PARVB: variants seen among roughly 807,000 people sequenced by gnomAD.
PARVB encodes beta-parvin.
PARVB carries 46 observed loss-of-function variants against 47.0 expected under a neutral mutation model. That is an observed-to-expected ratio of 0.98 (90% CI 0.77 to 1.25). The LOEUF (loss-of-function observed/expected upper bound fraction) is 1.25. Ranked by LOEUF, PARVB falls within the 50% of genes most tolerant of loss-of-function variation. PARVB has a pLI of 0.00. For synonymous variants in PARVB, 196 were observed against 196.3 expected, an observed-to-expected ratio of 1.00 and a Z score of 0.01; for missense variants, 473 against 471.6, an observed-to-expected ratio of 1.00 and a Z score of -0.03.
chr22:44,009,142 G>A (rs910409930), intron 2 of PARVB, among the ~76,000 whole-genome samples: 1 of 152,116 alleles, frequency 6.6e-6, no homozygotes, highest in Non-Finnish European at 1.5e-5. Flanking sequence ...AGATAATTTA[G>A]CACACAGAAT....
chr22:44,062,640 A>C (rs8140425), intron 1 of PARVB, among the ~76,000 whole-genome samples: 46,855 of 147,404 alleles, frequency 0.32, 7,610 homozygotes, highest in East Asian at 0.72. Context: ...CCTGTCTGGA[A>C]AAAAAAAAAA....
At chr22:44,076,764 C>G (rs915185193) in intron 1 of PARVB, among the ~76,000 whole-genome samples, 37 of 152,062 alleles carry the variant, frequency 2.4e-4, no homozygotes, top group African/African-American at 8.2e-4. Flanking sequence ...GGGCCAGAAA[C>G]ATGCTGCTGT....
intron 1 of PARVB, among the ~76,000 whole-genome samples, chr22:44,073,832 C>G (rs894245907): frequency 3.3e-5 from 5 of 152,250 alleles, no homozygotes; most frequent in Admixed American, 3.3e-4. Context: ...CTGTGGTGGG[C>G]TCGGCAGCTG....
intron 1 of PARVB, among the ~76,000 whole-genome samples, chr22:44,070,134 G>A (rs550710592): frequency 2.4e-4 from 36 of 152,288 alleles, no homozygotes; most frequent in Admixed American, 9.2e-4. Context: ...GCTCCTTAAC[G>A]TGCTTTGCTC....
At chr22:44,046,158 T>C (rs2051108019) in intron 1 of PARVB, among the ~76,000 whole-genome samples, 1 of 152,226 alleles carries the variant, frequency 6.6e-6, no homozygotes, top group Non-Finnish European at 1.5e-5. Flanking sequence ...CTGGGTGGCT[T>C]ATGCTTTCGG....
chr22:44,159,571 G>A (rs1340929238), intron 11 of PARVB, among the ~76,000 whole-genome samples: 2 of 152,222 alleles, frequency 1.3e-5, no homozygotes, highest in African/African-American at 4.8e-5. Flanking sequence ...CTGGGGTGGC[G>A]GTGTGGCTCT....
At chr22:44,030,700 C>T (rs1048962228) in intron 1 of PARVB, among the ~76,000 whole-genome samples, 3 of 152,098 alleles carry the variant, frequency 2.0e-5, no homozygotes, top group African/African-American at 7.2e-5. Context: ...TTCTAGCGGG[C>T]TGCAGCCCCT....
At chr22:44,003,310 T>C (rs1472300995) in intron 2 of PARVB, among the ~76,000 whole-genome samples, 1 of 152,198 alleles carries the variant, frequency 6.6e-6, no homozygotes, top group Non-Finnish European at 1.5e-5. Flanking sequence ...CTAAACGTAA[T>C]TTCCCTGAAA....
At chr22:44,117,973 C>T (rs1309913413) in intron 3 of PARVB, among the ~76,000 whole-genome samples, 3 of 152,204 alleles carry the variant, frequency 2.0e-5, no homozygotes, top group African/African-American at 7.2e-5. Context: ...TCCATAGGTA[C>T]TTTCATAATG....
At chr22:44,116,818 G>T (rs976645002) in intron 3 of PARVB, among the ~76,000 whole-genome samples, 5 of 152,122 alleles carry the variant, frequency 3.3e-5, no homozygotes, top group South Asian at 2.1e-4. Flanking sequence ...GAGGGAGGGG[G>T]TGGTATCTGG....
chr22:44,059,876 C>T (rs761383026), intron 1 of PARVB, among the ~76,000 whole-genome samples: 26 of 152,158 alleles, frequency 1.7e-4, no homozygotes, highest in Non-Finnish European at 3.5e-4. Context: ...TGCTCAGCAT[C>T]ATGGAAGGGG....
intron 3 of PARVB, 80 bp downstream of exon 3, chr22:44,100,203 G>A (rs1332275350): frequency 6.1e-6 from 7 of 1,139,008 alleles, no homozygotes; most frequent in Admixed American, 1.7e-5. Flanking sequence ...CATGGACAAA[G>A]GGAGCTAAAC....
At chr22:44,033,275 C>G (rs753574385) in intron 1 of PARVB, among the ~76,000 whole-genome samples, 48 of 152,166 alleles carry the variant, frequency 3.2e-4, no homozygotes, top group Non-Finnish European at 4.4e-5. Context: ...CTCCTGACCT[C>G]AACTGATCCG....
At chr22:44,053,962 C>A (rs77256496) in intron 1 of PARVB, among the ~76,000 whole-genome samples, 1 of 152,118 alleles carries the variant, frequency 6.6e-6, no homozygotes, top group Non-Finnish European at 1.5e-5. Context: ...CTTCCTGGGC[C>A]TTTTATGGAG....
chr22:44,156,527 T>C (rs567543224), intron 10 of PARVB, among the ~76,000 whole-genome samples: 1 of 152,268 alleles, frequency 6.6e-6, no homozygotes, highest in East Asian at 1.9e-4. Flanking sequence ...TCCACCCACC[T>C]TGGCCACCCA....
chr22:44,037,217 C>T (rs1382746425), intron 1 of PARVB, among the ~76,000 whole-genome samples: 3 of 151,856 alleles, frequency 2.0e-5, no homozygotes, highest in Admixed American at 6.6e-5. Flanking sequence ...TGGCACATGC[C>T]TGTAGTCCCA....
At chr22:44,065,851 G>A (rs112872743) in intron 1 of PARVB, among the ~76,000 whole-genome samples, 12,372 of 139,992 alleles carry the variant, frequency 0.088, 687 homozygotes, top group Middle Eastern at 0.2. Context: ...TGGTGTGTGT[G>A]TGTGTGCATG....
At chr22:44,053,530 C>CA (rs2051250646) in intron 1 of PARVB, among the ~76,000 whole-genome samples, 1 of 152,190 alleles carries the variant, frequency 6.6e-6, no homozygotes, top group South Asian at 2.1e-4. Context: ...CTCACAGCAA[C>CA]ACAACAACAG....
rs1207288739 is a variant in PARVB at position 44,049,299 on chromosome 22, C to T, written c.112+24848C>T. Among the ~76,000 whole-genome samples the T allele has an allele frequency of 4.6e-5, 7 of 152,064 alleles. No individual in the cohort carries two copies. Among genetic ancestry groups the T allele is most frequent in the Non-Finnish European group, 5.9e-5 (4 of 68,004 alleles). The stretch of plus-strand genomic sequence containing the variant: ...AATGAACAATACCCATAGTGCTTGG[C>T]GTAGACAATCAGCAAAGCTAGGGAC... On this transcript the variant is annotated intron_variant, in intron 1 of 12. Coordinates refer to ENST00000338758, the MANE Select transcript of PARVB (RefSeq NM_013327.5). This position sits in a 1 kb window ranked among gnomAD's most constrained non-coding sequence, Gnocchi z 4.0.
Sources: allele counts gnomAD v4.1 joint callset (sites outside exome capture counted in the v4.1 genomes callset), GRCh38; gene constraint gnomAD v4.1.1; non-coding constraint Gnocchi (gnomAD v3.1); transcripts MANE v1.5; gene names NCBI Gene and HGNC (gene_info 2026-07-23, HGNC 2026-07-21).